Variants in SLC12A7 observed in about 807,000 individuals in gnomAD.
The protein encoded by SLC12A7 is K-Cl cotransporter 4.
In SLC12A7, 100 loss-of-function variants were observed where a neutral mutation model predicts 120.6. The ratio of observed to expected loss-of-function variants is 0.83; its 90% CI spans 0.71 to 0.98. The LOEUF (loss-of-function observed/expected upper bound fraction) is 0.98. SLC12A7 is among the 50% of genes least tolerant of loss of function. The probability of loss-of-function intolerance (pLI) is 0.00; values close to 1 mark genes in which losing one functional copy is unlikely to be tolerated. For missense variants in SLC12A7, 1,373 were observed against 1,548.1 expected, an observed-to-expected ratio of 0.89 and a Z score of 1.90; for synonymous variants, 760 against 678.0, an observed-to-expected ratio of 1.12 and a Z score of -1.88.
intron 16 of SLC12A7, among the ~76,000 whole-genome samples, chr5:1,074,207 C>T (rs932251089): frequency 2.6e-5 from 4 of 151,742 alleles, no homozygotes; most frequent in Non-Finnish European, 2.9e-5. Flanking sequence ...CCGAGGCCCC[C>T]GCCGAGGCCC....
chr5:1,122,463 A>C, the SLC12A7 span, among the ~76,000 whole-genome samples: 1 of 152,244 alleles, frequency 6.6e-6, no homozygotes, highest in Non-Finnish European at 1.5e-5. Context: ...CCTTTTTCTA[A>C]AAAAATCCAT....
intron 5 of SLC12A7, among the ~76,000 whole-genome samples, chr5:1,087,882 CTAGT>C (rs1451873063): frequency 2.0e-5 from 3 of 152,214 alleles, no homozygotes; most frequent in Admixed American, 1.3e-4. Context: ...TCTCGGTTCA[CTAGT>C]TATTTAGTTA....
the SLC12A7 span, among the ~76,000 whole-genome samples, chr5:1,120,438 G>A: frequency 6.6e-6 from 1 of 152,208 alleles, no homozygotes; most frequent in Non-Finnish European, 1.5e-5. Flanking sequence ...ACCTCGCCGG[G>A]GGACGCGCGC....
At chr5:1,092,269 C>T (rs1740608542) in intron 3 of SLC12A7, among the ~76,000 whole-genome samples, 1 of 152,254 alleles carries the variant, frequency 6.6e-6, no homozygotes, top group Non-Finnish European at 1.5e-5. Flanking sequence ...GTCAGCAGAA[C>T]ACTGGACGCT....
intron 1 of SLC12A7, among the ~76,000 whole-genome samples, chr5:1,100,646 G>A (rs889890026): frequency 2.0e-5 from 3 of 152,204 alleles, no homozygotes; most frequent in African/African-American, 2.4e-5. Flanking sequence ...GTGCCCAGAC[G>A]CCGCATGCAG....
chr5:1,154,825 G>A, the SLC12A7 span, among the ~76,000 whole-genome samples: 1 of 152,206 alleles, frequency 6.6e-6, no homozygotes, highest in African/African-American at 2.4e-5. Context: ...CGCAGTAACC[G>A]CAGGTCTTCA....
chr5:1,136,351 C>T, the SLC12A7 span, among the ~76,000 whole-genome samples: 2,773 of 128,218 alleles, frequency 0.022, 15 homozygotes, highest in East Asian at 0.053. Context: ...CAGGCACACA[C>T]GTGCTCAGAC....
At chr5:1,060,499 G>A (rs369144192) in intron 20 of SLC12A7, 48 bp from the exon 21 acceptor site, 11 of 1,425,066 alleles carry the variant, frequency 7.7e-6, no homozygotes, top group Admixed American at 1.7e-5. Context: ...ACAGAACCAC[G>A]GATGGCTCCA....
chr5:1,128,154 A>G, the SLC12A7 span, among the ~76,000 whole-genome samples: 33 of 152,142 alleles, frequency 2.2e-4, no homozygotes, highest in Non-Finnish European at 1.5e-5. Context: ...CGTGGCTGGG[A>G]GGTGGGTGCC....
intron 20 of SLC12A7, 72 bp from the exon 21 acceptor site, chr5:1,060,523 AC>A: frequency 8.5e-7 from 1 of 1,174,964 alleles, no homozygotes. Context: ...CCAGCCCGGT[AC>A]CCAGAGACCG....
the SLC12A7 span, among the ~76,000 whole-genome samples, chr5:1,122,844 C>T: frequency 6.6e-6 from 1 of 152,248 alleles, no homozygotes; most frequent in Non-Finnish European, 1.5e-5. Flanking sequence ...GTTGCTATTC[C>T]CCCTATGTAG....
At position 1,081,468 on chromosome 5, in the gene SLC12A7, G is replaced by C; in HGVS notation, c.1297+109C>G. The C allele has an allele frequency of 4.3e-6, 5 of 1,165,242 alleles. No individual in the cohort carries two copies. In the South Asian group the frequency reaches 7.7e-5, roughly 18 times the overall value. The allele number at this position is 1,165,242 out of a possible 1,614,324, so 72.2% of individuals were successfully genotyped here. The stretch of plus-strand genomic sequence containing the variant: ...TGTCTAGGAGTTGAGGCTGCAGTGA[G>C]CCGTGATCACACCACTGCCCTCCAG... On this transcript the variant is annotated intron_variant, in intron 9 of 23. Transcript: ENST00000264930.
chr5:1,092,968 G>T (rs563934243), intron 3 of SLC12A7, among the ~76,000 whole-genome samples: 1 of 152,210 alleles, frequency 6.6e-6, no homozygotes, highest in South Asian at 2.1e-4. Context: ...ACCCTCCCGA[G>T]GATGCTCAAG....
At chr5:1,085,192 G>T in intron 7 of SLC12A7, 40 bp downstream of exon 7, 1 of 1,601,274 alleles carries the variant, frequency 6.2e-7, no homozygotes. Flanking sequence ...CCTGGCCCCA[G>T]CCCCACACCC....
intron 10 of SLC12A7, 142 bp from the exon 11 acceptor site, chr5:1,078,900 T>C: frequency 1.5e-6 from 1 of 686,370 alleles, no homozygotes; most frequent in South Asian, 1.7e-5. Context: ...CCGTTCTGCA[T>C]CCCATCCCAT....
chr5:1,154,551 A>G, the SLC12A7 span, among the ~76,000 whole-genome samples: 1 of 152,144 alleles, frequency 6.6e-6, no homozygotes, highest in Non-Finnish European at 1.5e-5. Flanking sequence ...ACACGGACAC[A>G]CACAGGCGTG....
rs200389342 is a variant in SLC12A7 at position 1,098,438 on chromosome 5, C to G, written c.125-4190G>C. On this transcript the variant is annotated intron_variant, in intron 1 of 23. Coordinates refer to ENST00000264930, the MANE Select transcript of SLC12A7 (RefSeq NM_006598.3). ...TAACCCTCTGCATGCCCAGGCCCCCCTCTAACCCTCTGCACACCCAGCCCC... is the reference window on the plus strand; with the variant it reads ...TAACCCTCTGCATGCCCAGGCCCCCGTCTAACCCTCTGCACACCCAGCCCC... Among the ~76,000 whole-genome samples the G allele has an allele frequency of 1.5e-3, 19 of 12,884 alleles. 1 individual carries two copies. The highest frequency in any genetic ancestry group is 2.4e-3 in the Non-Finnish European group (15 of 6,150). The allele number at this position is 12,884 out of a possible 152,430, so 8.5% of individuals were successfully genotyped here. A position where few individuals can be genotyped will look rare whatever the true frequency, so the allele number is the denominator to read the frequency against.
Position 1,080,172 on chromosome 5 carries a change from G to A in SLC12A7, c.1298-676C>T, listed in dbSNP as rs1024628614. ...CTCTGCCCCCACGCCCTCCACCCGCGGCTCAGAGACACCCGGAGCCACGCA... is the reference window on the plus strand; with the variant it reads ...CTCTGCCCCCACGCCCTCCACCCGCAGCTCAGAGACACCCGGAGCCACGCA... On this transcript the variant is annotated intron_variant, in intron 9 of 23. Coordinates refer to ENST00000264930, the MANE Select transcript of SLC12A7 (RefSeq NM_006598.3). Among the ~76,000 whole-genome samples the A allele has an allele frequency of 2.4e-3, 363 of 150,136 alleles. 8 individuals carry two copies. The highest frequency in any genetic ancestry group is 1.7e-3 in the Non-Finnish European group (115 of 67,352).
At chr5:1,108,487 C>T (rs763092691) in intron 1 of SLC12A7, among the ~76,000 whole-genome samples, 2 of 152,202 alleles carry the variant, frequency 1.3e-5, no homozygotes, top group Non-Finnish European at 1.5e-5. Flanking sequence ...GGCACAGCCG[C>T]GGGGTCAACA....
Sources: gnomAD v4.1 joint callset for allele counts (sites outside exome capture counted in the v4.1 genomes callset) on GRCh38, gnomAD v4.1.1 for gene constraint, MANE v1.5 for transcripts, NCBI Gene and HGNC (gene_info 2026-07-23, HGNC 2026-07-21) for gene names.